Variants in ADGRV1 observed in about 807,000 individuals in gnomAD.
The protein encoded by ADGRV1 is G-protein coupled receptor 98.
In ADGRV1, 359 loss-of-function variants were observed where a neutral mutation model predicts 596.2. That is an observed-to-expected ratio of 0.60 (90% CI 0.55 to 0.66). The LOEUF is 0.66. Among genes scored for constraint, ADGRV1 ranks in the 30% least tolerant of loss-of-function variants. The pLI, the probability that ADGRV1 is intolerant of heterozygous loss-of-function variation, is 0.00. For missense variants in ADGRV1, 7,274 were observed against 7,575.6 expected, an observed-to-expected ratio of 0.96 and a Z score of 1.48; for synonymous variants, 2,681 against 2,679.2, an observed-to-expected ratio of 1.00 and a Z score of -0.02.
chr5:90,754,598 T>C (rs1755628162), intron 54 of ADGRV1, among the ~76,000 whole-genome samples: 1 of 152,200 alleles, frequency 6.6e-6, no homozygotes, highest in African/African-American at 2.4e-5. Flanking sequence ...TTTGTATATA[T>C]AATTTTTCAT....
chr5:90,761,503 T>C lies in ADGRV1; in HGVS notation c.12121-1802T>C, dbSNP rs549444999. 1.2e-4 allele frequency among the ~76,000 whole-genome samples: 19 copies of C among 152,388 alleles called. No homozygotes were observed. The East Asian group carries it at 3.7e-3, about 29-fold the overall frequency. ...TGAAACTTCACAATAACGTTTTTCA[T>C]CAAACTTCTGGACTTGGGCACTGGA... On this transcript the variant is annotated intron_variant, in intron 58 of 89. Coordinates refer to ENST00000405460, the MANE Select transcript of ADGRV1 (RefSeq NM_032119.4).
In ADGRV1 at chr5:91,046,549, C is replaced by G. The variant is rs1035839848; in HGVS notation, c.18153-25898C>G. Among the ~76,000 whole-genome samples, 3 of 152,144 alleles carry G rather than the reference C, an allele frequency of 2.0e-5. No individual in the cohort carries two copies. The South Asian group carries it at 6.2e-4, about 32-fold the overall frequency. ...AAGGACTTAAATGTAAGACTTGAAA[C>G]TATAAAAATTCTAGAAGATAACTAA... On this transcript the variant is annotated intron_variant, in intron 85 of 89. Coordinates refer to ENST00000405460, the MANE Select transcript of ADGRV1 (RefSeq NM_032119.4).
chr5:91,043,127 C>T (rs949608190), intron 85 of ADGRV1, among the ~76,000 whole-genome samples: 2 of 152,170 alleles, frequency 1.3e-5, no homozygotes, highest in Non-Finnish European at 2.9e-5. Flanking sequence ...GAGGCACCAA[C>T]GTTTCCTCTG....
intron 1 of ADGRV1, 97 bp downstream of exon 1, chr5:90,559,014 G>A (rs1462971578): frequency 8.8e-7 from 1 of 1,136,996 alleles, no homozygotes; most frequent in Non-Finnish European, 1.2e-6. Context: ...CGGCGAGGGC[G>A]GCGCGGAGGG....
Position 91,102,288 on chromosome 5 carries a change from C to G in ADGRV1, c.18380C>G (p.Ala6127Gly), listed in dbSNP as rs1177772881. 6.2e-7 allele frequency: 1 copy of G among 1,609,590 alleles called. No individual in the cohort carries two copies. The highest frequency in any genetic ancestry group is 8.5e-7 in the Non-Finnish European group (1 of 1,177,608). The stretch of plus-strand genomic sequence containing the variant: ...TGGCTTTGGGGAGGACTACACATGG[C>G]CTACAGACACTTCTGGATGTTGGTT... Reference protein sequence around the residue: ...VTWLWGGLHMAYRHFWMLVLF... With the variant: ...VTWLWGGLHMGYRHFWMLVLF... Residue 6127 changes from alanine (A) to glycine (G), a missense_variant, in exon 87 of 90, where the codon GCC becomes GGC. Around this residue, in one of 5 missense-constraint regions of ADGRV1, gnomAD observed 1,874 missense variants for 1,970.2 expected, o/e 0.95. Coordinates refer to ENST00000405460, the MANE Select transcript of ADGRV1 (RefSeq NM_032119.4).
At chr5:90,619,638 A>T (rs567761008) in intron 4 of ADGRV1, among the ~76,000 whole-genome samples, 1 of 152,126 alleles carries the variant, frequency 6.6e-6, no homozygotes, top group Admixed American at 6.5e-5. Context: ...TTTAGGGTAC[A>T]TGTGCACAAC....
Position 90,724,925 on chromosome 5 carries a change from G to T in ADGRV1, c.9842G>T (p.Gly3281Val). 2 of 1,609,924 alleles carry T rather than the reference G, an allele frequency of 1.2e-6. No individual in the cohort carries two copies. Among genetic ancestry groups the T allele is most frequent in the Non-Finnish European group, 1.7e-6 (2 of 1,177,198 alleles). The change falls in exon 46 of 90, where the codon GGT becomes GTT. Residue 3281 changes from glycine (G) to valine (V), a missense_variant. By Grantham distance (109) the Gly-to-Val change is moderately radical. Around this residue, in one of 5 missense-constraint regions of ADGRV1, gnomAD observed 3,643 missense variants for 3,809.2 expected, o/e 0.96. Coordinates refer to ENST00000405460, the MANE Select transcript of ADGRV1 (RefSeq NM_032119.4). ...TTTACTTTGGAAAATTTAATATATG[G>T]TATAATGTTAAGAAAATCATCTGTT... ...CFFTLENLIYGIMLRKSSVTV... is the reference protein window; with the variant it reads ...CFFTLENLIYVIMLRKSSVTV...
chr5:90,570,710 A>G (rs1756409317), intron 1 of ADGRV1, among the ~76,000 whole-genome samples: 1 of 149,152 alleles, frequency 6.7e-6, no homozygotes, highest in Non-Finnish European at 1.5e-5. Context: ...TCAGCTGTTG[A>G]GCCCCTCTGT....
chr5:90,942,880 A>G lies in ADGRV1; in HGVS notation c.17857-22535A>G, dbSNP rs190471544. Among the ~76,000 whole-genome samples, 7 of 152,274 alleles carry G rather than the reference A, an allele frequency of 4.6e-5. No individual in the cohort carries two copies. In the East Asian group the frequency reaches 9.7e-4, roughly 21 times the overall value. ...CTTTTTAGTCAGGCCAGAGATAATG[A>G]TGAATACTTTAGGAAGGTTATCACA... On this transcript the variant is annotated intron_variant, in intron 83 of 89. Transcript: ENST00000405460.
At chr5:90,859,597 A>G (rs2247419) in intron 82 of ADGRV1, among the ~76,000 whole-genome samples, 86,670 of 151,578 alleles carry the variant, frequency 0.57, 25,080 homozygotes, top group Admixed American at 0.7. Flanking sequence ...GGATAATTTA[A>G]AAAATTATTT....
chr5:90,718,848 ACTTTT>A lies in ADGRV1; in HGVS notation c.9448-1194_9448-1190del, dbSNP rs534124493. On this transcript the variant is annotated intron_variant, in intron 43 of 89. Coordinates refer to ENST00000405460, the MANE Select transcript of ADGRV1 (RefSeq NM_032119.4). ...CTCCTTTTTCACAGTATAGCTATAT[ACTTTT>A]CTTTTTATTAGGCAAATTAAATGTT... 2.6e-3 allele frequency among the ~76,000 whole-genome samples: 390 copies of A among 152,002 alleles called. 2 individuals carry two copies. Among genetic ancestry groups the A allele is most frequent in the African/African-American group, 9.0e-3 (374 of 41,482 alleles).
At chr5:90,922,065 A>G (rs1487656254) in intron 83 of ADGRV1, among the ~76,000 whole-genome samples, 2 of 152,234 alleles carry the variant, frequency 1.3e-5, no homozygotes, top group East Asian at 1.9e-4. Flanking sequence ...CCCTAACTCT[A>G]TCAGTATTGG....
Position 90,716,703 on chromosome 5 carries a change from G to A in ADGRV1, c.9421G>A (p.Val3141Ile), listed in dbSNP as rs746688346. ...TCTGACTCCTTCCAAAGGCTATATT[G>A]TTTTAGAAGAAGGTGTTCGATTCAA... Reference protein sequence around the residue: ...KDLTPSKGYIVLEEGVRFKAL... With the variant: ...KDLTPSKGYIILEEGVRFKAL... Residue 3141 changes from valine to isoleucine, a missense_variant, in exon 43 of 90, where the codon GTT (valine) becomes ATT (isoleucine). Val to Ile is a conservative substitution (Grantham distance 29, BLOSUM62 3). Transcript: ENST00000405460. The A allele has an allele frequency of 1.2e-6, 2 of 1,612,578 alleles. No homozygotes were observed.
intron 21 of ADGRV1, among the ~76,000 whole-genome samples, chr5:90,669,413 A>G (rs1323491796): frequency 6.6e-6 from 1 of 152,344 alleles, no homozygotes; most frequent in South Asian, 2.1e-4. Flanking sequence ...TGAGAAACAC[A>G]GAACTTATGG....
intron 5 of ADGRV1, among the ~76,000 whole-genome samples, chr5:90,624,751 A>G (rs73181623): frequency 0.019 from 2,878 of 152,274 alleles, 82 homozygotes; most frequent in African/African-American, 0.065. Context: ...TAAATGAATG[A>G]TTTTATTTAT....
intron 1 of ADGRV1, among the ~76,000 whole-genome samples, chr5:90,585,198 CTT>C (rs1379521016): frequency 6.6e-6 from 1 of 152,054 alleles, no homozygotes; most frequent in African/African-American, 2.4e-5. Flanking sequence ...AGTTATATAA[CTT>C]TTGAATTCTC....
intron 50 of ADGRV1, 106 bp downstream of exon 50, chr5:90,729,870 A>ATTTT: frequency 1.6e-5 from 15 of 933,666 alleles, no homozygotes; most frequent in South Asian, 3.3e-5. Flanking sequence ...GACACTGGGT[A>ATTTT]TTTTTTTTTT....
chr5:90,861,511 G>C (rs1417014542), intron 82 of ADGRV1, among the ~76,000 whole-genome samples: 3 of 150,722 alleles, frequency 2.0e-5, no homozygotes, highest in Admixed American at 1.3e-4. Flanking sequence ...GGGTTTCACC[G>C]TGTTAGCCAG....
intron 85 of ADGRV1, among the ~76,000 whole-genome samples, chr5:91,061,539 G>A (rs1217902404): frequency 1.3e-5 from 2 of 152,148 alleles, no homozygotes; most frequent in Non-Finnish European, 1.5e-5. Flanking sequence ...GTATTTTAAT[G>A]TAGCCAGTAT....
Sources: gnomAD v4.1 joint callset for allele counts (sites outside exome capture counted in the v4.1 genomes callset) on GRCh38, gnomAD v4.1.1 for gene constraint, gnomAD v4.1.1 regional missense constraint, MANE v1.5 for transcripts, NCBI Gene and HGNC (gene_info 2026-07-23, HGNC 2026-07-21) for gene names.